Variants in PARP15 observed in about 807,000 individuals in gnomAD.
PARP15 encodes protein mono-ADP-ribosyltransferase PARP15.
In PARP15, 50 loss-of-function variants were observed where a neutral mutation model predicts 62.1. The observed-to-expected ratio is 0.81, with a 90% CI of 0.64 to 1.02. PARP15 has a LOEUF of 1.02. Ranked by LOEUF, PARP15 falls within the 50% of genes least tolerant of loss-of-function variation. The probability of loss-of-function intolerance (pLI) is 0.00; values close to 1 mark genes in which losing one functional copy is unlikely to be tolerated. For synonymous variants in PARP15, 309 were observed against 293.1 expected (o/e 1.05, Z -0.55); for missense variants, 820 against 826.5 (o/e 0.99, Z 0.10).
chr3:122,620,725 G>T (rs1055083257), intron 7 of PARP15, among the ~76,000 whole-genome samples: 3 of 151,924 alleles, frequency 2.0e-5, no homozygotes, highest in Non-Finnish European at 4.4e-5. Context: ...GAGGCTGCCT[G>T]GGAGGGGAGG....
intron 1 of PARP15, among the ~76,000 whole-genome samples, chr3:122,605,527 A>G (rs1460400566): frequency 2.0e-5 from 3 of 152,204 alleles, no homozygotes; most frequent in Non-Finnish European, 4.4e-5. Flanking sequence ...GTGAAATGTA[A>G]TAGTTATTTT....
chr3:122,596,530 T>A (rs13094750), intron 1 of PARP15, among the ~76,000 whole-genome samples: 10,594 of 152,178 alleles, frequency 0.07, 387 homozygotes, highest in Middle Eastern at 0.12. Context: ...ATCTTGACTC[T>A]TCTGTTTCTC....
intron 1 of PARP15, chr3:122,594,580 A>C: frequency 1.0e-6 from 1 of 971,074 alleles, no homozygotes; most frequent in Non-Finnish European, 1.2e-6. Context: ...AAATTGATAT[A>C]GGGTAGGGGA....
rs540756614 is a variant in PARP15, at chr3:122,602,306, T to G, written c.187-3630T>G. On this transcript the variant is annotated intron_variant, in intron 1 of 11. Coordinates refer to ENST00000464300, the MANE Select transcript of PARP15 (RefSeq NM_001113523.3). ...ATTCATCTCCTGATCAGATGGTACG[T>G]AGACAATAACTGACTGGTATGGAGG... 2.0e-5 allele frequency among the ~76,000 whole-genome samples: 3 copies of G among 152,256 alleles called. No individual in the cohort carries two copies. In the East Asian group the frequency reaches 5.8e-4, roughly 29 times the overall value.
intron 2 of PARP15, among the ~76,000 whole-genome samples, chr3:122,608,768 CTTTT>C (rs200651765): frequency 2.2e-5 from 3 of 137,164 alleles, no homozygotes; most frequent in African/African-American, 5.3e-5. Context: ...AACAAGGTTA[CTTTT>C]TTTTTTTTTT....
At chr3:122,590,051 A>G (rs1380174373) in intron 1 of PARP15, among the ~76,000 whole-genome samples, 3 of 151,180 alleles carry the variant, frequency 2.0e-5, no homozygotes, top group African/African-American at 7.3e-5. Context: ...ACGCCTGGCT[A>G]ATTTTTTTGT....
chr3:122,589,232 C>T (rs908412551), intron 1 of PARP15, among the ~76,000 whole-genome samples: 6 of 152,124 alleles, frequency 3.9e-5, no homozygotes, highest in Non-Finnish European at 7.4e-5. Flanking sequence ...ATGGGCTTGT[C>T]CCTTCATCTT....
chr3:122,589,899 T>C (rs1000450770), intron 1 of PARP15, among the ~76,000 whole-genome samples: 23 of 148,766 alleles, frequency 1.5e-4, no homozygotes, highest in Non-Finnish European at 2.8e-4. Flanking sequence ...TTTTTTTTTT[T>C]TTTTTTTTTT....
intron 1 of PARP15, among the ~76,000 whole-genome samples, chr3:122,598,658 A>T (rs1934543840): frequency 6.6e-6 from 1 of 152,174 alleles, no homozygotes; most frequent in African/African-American, 2.4e-5. Flanking sequence ...CAATTCTGCC[A>T]TATTTTGTTG....
In PARP15 at chr3:122,625,982, C is replaced by T. The variant is rs7640052; in HGVS notation, c.1232-845C>T. 5.2e-3 allele frequency among the ~76,000 whole-genome samples: 788 copies of T among 152,266 alleles called. 4 individuals carry two copies. The highest frequency in any genetic ancestry group is 0.018 in the African/African-American group (759 of 41,554). On this transcript the variant is annotated intron_variant, in intron 8 of 11. Coordinates refer to ENST00000464300, the MANE Select transcript of PARP15 (RefSeq NM_001113523.3). ...TCACCAGGAACACACACTACGGGGA[C>T]CTCTGCAGCATCTCAGTAGGAGAGT...
At chr3:122,585,306 T>A (rs13433828) in intron 1 of PARP15, among the ~76,000 whole-genome samples, 1 of 151,976 alleles carries the variant, frequency 6.6e-6, no homozygotes, top group South Asian at 2.1e-4. Context: ...GTGTTTGCAC[T>A]TCTGCACTCT....
intron 4 of PARP15, chr3:122,615,431 C>T (rs1935894978): frequency 1.6e-6 from 2 of 1,270,366 alleles, no homozygotes; most frequent in Admixed American, 2.6e-5. Flanking sequence ...CTTCCCTCAG[C>T]CTATTGGATG....
chr3:122,583,868 C>G (rs910418640), intron 1 of PARP15, among the ~76,000 whole-genome samples: 1 of 152,196 alleles, frequency 6.6e-6, no homozygotes, highest in African/African-American at 2.4e-5. Context: ...GCGCAACTCT[C>G]TCCTCTCCAG....
chr3:122,611,480 A>G (rs528779988), intron 3 of PARP15, among the ~76,000 whole-genome samples: 3 of 151,730 alleles, frequency 2.0e-5, no homozygotes, highest in Admixed American at 2.0e-4. Context: ...CTGGGATTAC[A>G]GGTGCCCACC....
rs1189078424 is a variant in PARP15, at chr3:122,635,797, C to T, written c.1748-14C>T. The stretch of plus-strand genomic sequence containing the variant: ...TTTATATTCTTAGGAAGGTTTTTGT[C>T]TTTCTCTTTCCAGCTGTATCCTATG... On this transcript the variant is annotated splice_polypyrimidine_tract_variant and intron_variant, in intron 11 of 11. Coordinates refer to ENST00000464300, the MANE Select transcript of PARP15 (RefSeq NM_001113523.3). 1.9e-6 allele frequency: 3 copies of T among 1,599,752 alleles called. No individual in the cohort carries two copies. Among genetic ancestry groups the T allele is most frequent in the Admixed American group, 1.7e-5 (1 of 57,496 alleles).
At chr3:122,624,595 T>C (rs1223839449) in intron 8 of PARP15, among the ~76,000 whole-genome samples, 1 of 152,222 alleles carries the variant, frequency 6.6e-6, no homozygotes, top group African/African-American at 2.4e-5. Flanking sequence ...TGTCTTCACC[T>C]GGTTATATGA....
chr3:122,604,672 TA>T (rs952631109), intron 1 of PARP15, among the ~76,000 whole-genome samples: 3 of 150,774 alleles, frequency 2.0e-5, no homozygotes, highest in African/African-American at 7.3e-5. Context: ...GGCCAACAAT[TA>T]AAAAGATAAT....
intron 1 of PARP15, among the ~76,000 whole-genome samples, chr3:122,591,974 G>A (rs1398094686): frequency 6.6e-6 from 1 of 152,098 alleles, no homozygotes; most frequent in Non-Finnish European, 1.5e-5. Context: ...AAATAAGAAT[G>A]CTTTTACACT....
chr3:122,605,526 A>G (rs1398892681), intron 1 of PARP15, among the ~76,000 whole-genome samples: 1 of 152,214 alleles, frequency 6.6e-6, no homozygotes, highest in East Asian at 1.9e-4. Context: ...TGTGAAATGT[A>G]ATAGTTATTT....
Sources: gnomAD v4.1 joint callset for allele counts (sites outside exome capture counted in the v4.1 genomes callset) on GRCh38, gnomAD v4.1.1 for gene constraint, MANE v1.5 for transcripts, NCBI Gene and HGNC (gene_info 2026-07-23, HGNC 2026-07-21) for gene names.